ANXA6: variants seen among roughly 807,000 people sequenced by gnomAD.
ANXA6 encodes annexin A6.
ANXA6 carries 71 observed loss-of-function variants against 95.4 expected under a neutral mutation model. The observed-to-expected ratio is 0.74, with a 90% CI of 0.61 to 0.91. ANXA6 has a LOEUF of 0.91. ANXA6 is among the 40% of genes least tolerant of loss of function. ANXA6 has a pLI of 0.00. For synonymous variants in ANXA6, 289 were observed against 315.9 expected (o/e 0.91, Z 0.90); for missense variants, 830 against 876.4 (o/e 0.95, Z 0.67).
At chr5:151,149,213 CA>C in intron 1 of ANXA6, among the ~76,000 whole-genome samples, 2 of 144,068 alleles carry the variant, frequency 1.4e-5, no homozygotes, top group African/African-American at 5.2e-5. Flanking sequence ...GACAGGAACA[CA>C]CAGGAAAACA....
At chr5:151,102,190 A>T (rs1181030476) in intron 25 of ANXA6, among the ~76,000 whole-genome samples, 2 of 152,166 alleles carry the variant, frequency 1.3e-5, no homozygotes, top group Non-Finnish European at 2.9e-5. Context: ...GTTATGAGAC[A>T]TGGTTTTCGG....
chr5:151,141,854 C>G (rs1224787148), intron 2 of ANXA6, among the ~76,000 whole-genome samples: 1 of 152,198 alleles, frequency 6.6e-6, no homozygotes, highest in Non-Finnish European at 1.5e-5. Context: ...GCTCAGTGAG[C>G]GCAGGATGGG....
At chr5:151,118,819 G>C (rs1765081372) in intron 18 of ANXA6, among the ~76,000 whole-genome samples, 1 of 151,958 alleles carries the variant, frequency 6.6e-6, no homozygotes, top group African/African-American at 2.4e-5. Flanking sequence ...CCGCCTGCCT[G>C]AGACTCCCAA....
chr5:151,101,472 C>T lies in ANXA6; in HGVS notation c.1998G>A (p.Leu666=). 1.3e-6 allele frequency: 2 copies of T among 1,561,322 alleles called. No individual in the cohort carries two copies. The highest frequency in any genetic ancestry group is 1.7e-6 in the Non-Finnish European group (2 of 1,152,640). Residue 666 remains leucine (L), a synonymous_variant, in exon 26 of 26, where the codon CTG becomes CTA. Transcript: ENST00000354546. ...DTSGDFLKAL[L]ALCGGED ...CCTAGTCCTCACCACCACAGAGAGC[C>T]AGCAAGGCCTTCAGGAAGTCTCCGG...
At chr5:151,139,317 C>G in intron 4 of ANXA6, 36 bp downstream of exon 4, 1 of 1,452,896 alleles carries the variant, frequency 6.9e-7, no homozygotes, top group Non-Finnish European at 9.5e-7. Context: ...CATTCTTCCA[C>G]CCGCACCCCA....
At position 151,103,665 on chromosome 5, in the gene ANXA6, T is replaced by G; in HGVS notation, c.1867A>C (p.Thr623Pro). Residue 623 changes from threonine (T) to proline (P), a missense_variant, in exon 25 of 26, where the codon ACC becomes CCC. Transcript: ENST00000354546. ...TCACTGCGGGATACCATGATCCTGG[T>G]CAGAGTCTTCTCATCTGTGCCAGCA... ...KGAGTDEKTLTRIMVSRSEID... is the reference protein window; with the variant it reads ...KGAGTDEKTLPRIMVSRSEID... The G allele has an allele frequency of 1.2e-6, 2 of 1,610,972 alleles. No homozygotes were observed. Among genetic ancestry groups the G allele is most frequent in the Non-Finnish European group, 1.7e-6 (2 of 1,178,638 alleles).
At position 151,128,123 on chromosome 5, in the gene ANXA6, G is replaced by T. The variant is rs1581998749; in HGVS notation, c.977+58C>A. The T allele has an allele frequency of 4.8e-6, 7 of 1,471,514 alleles. No individual in the cohort carries two copies. In the African/African-American group the frequency reaches 8.3e-5, roughly 18 times the overall value. The allele number at this position is 1,471,514 out of a possible 1,614,324, so 91.2% of individuals were successfully genotyped here. Reference sequence around the variant, plus strand: ...ACCCATCAGGATGCGAGCCAGGAGAGTCCCCGCCTGGCACCCCAAGGCCAT... The same window carrying T: ...ACCCATCAGGATGCGAGCCAGGAGATTCCCCGCCTGGCACCCCAAGGCCAT... On this transcript the variant is annotated intron_variant, in intron 13 of 25. Coordinates refer to ENST00000354546, the MANE Select transcript of ANXA6 (RefSeq NM_001155.5).
intron 20 of ANXA6, among the ~76,000 whole-genome samples, chr5:151,111,948 C>A (rs1249545631): frequency 6.6e-6 from 1 of 151,902 alleles, no homozygotes; most frequent in Non-Finnish European, 1.5e-5. Context: ...GCCACCAGCC[C>A]AGTTAATTTT....
chr5:151,148,715 G>A (rs899425726), intron 1 of ANXA6, among the ~76,000 whole-genome samples: 3 of 152,222 alleles, frequency 2.0e-5, no homozygotes, highest in Non-Finnish European at 2.9e-5. Flanking sequence ...GACAAGGGGT[G>A]TAGTCCCAGG....
At chr5:151,108,640 G>T in intron 22 of ANXA6, 90 bp from the exon 23 acceptor site, 1 of 1,109,832 alleles carries the variant, frequency 9.0e-7, no homozygotes, top group South Asian at 1.3e-5. Context: ...GCCTCCCACA[G>T]GCTGTGCCTG....
chr5:151,116,314 G>T (rs879077438), intron 20 of ANXA6, among the ~76,000 whole-genome samples: 3 of 152,206 alleles, frequency 2.0e-5, no homozygotes, highest in African/African-American at 7.2e-5. Flanking sequence ...CAGCTTTTGG[G>T]GGCGGGAAAA....
chr5:151,126,325 GCCAA>G, intron 14 of ANXA6, 73 bp downstream of exon 14: 1 of 1,324,060 alleles, frequency 7.6e-7, no homozygotes, highest in South Asian at 1.3e-5. Flanking sequence ...GCAGCTGGGT[GCCAA>G]CCAGAGCAGC....
chr5:151,151,624 G>A (rs1193616761), intron 1 of ANXA6: 3 of 152,198 alleles, frequency 2.0e-5, no homozygotes, highest in African/African-American at 7.2e-5. Context: ...TCTCTAAAGT[G>A]GGACAATACA....
At chr5:151,128,946 CAAAAAA>C (rs372400204) in intron 12 of ANXA6, among the ~76,000 whole-genome samples, 2 of 127,790 alleles carry the variant, frequency 1.6e-5, no homozygotes, top group Non-Finnish European at 3.3e-5. Flanking sequence ...TTCAGTCATC[CAAAAAA>C]AAAAAAAAAA....
intron 2 of ANXA6, among the ~76,000 whole-genome samples, chr5:151,145,434 G>C (rs1474513496): frequency 6.6e-6 from 1 of 152,190 alleles, no homozygotes; most frequent in Non-Finnish European, 1.5e-5. Flanking sequence ...CTGTGAAATG[G>C]AGGCCACAGC....
At chr5:151,140,594 A>ATATATATATATATATATT (rs201589041) in intron 2 of ANXA6, 65 of 141,652 alleles carry the variant, frequency 4.6e-4, no homozygotes, top group African/African-American at 1.2e-3. Context: ...ATATATATAT[A>ATATATATATATATATATT]TATATATATA....
In ANXA6 at chr5:151,133,076, G is replaced by A. The variant is rs917744352; in HGVS notation, c.640+18C>T. The A allele has an allele frequency of 3.2e-6, 5 of 1,559,510 alleles. No individual in the cohort carries two copies. The highest frequency in any genetic ancestry group is 4.4e-6 in the Non-Finnish European group (5 of 1,144,622). ...CATCAACCCAAGGGAGCAGCTTCAG[G>A]TCTTCTCTGGAGCTTACCCAACCGA... is the stretch of plus-strand genomic sequence containing the variant. On this transcript the variant is annotated intron_variant, in intron 9 of 25. Transcript: ENST00000354546.
intron 1 of ANXA6, chr5:151,150,852 G>C (rs1204886077): frequency 1.3e-5 from 2 of 152,436 alleles, no homozygotes; most frequent in East Asian, 3.8e-4. Flanking sequence ...AGAGAACCAG[G>C]GACTGAATGA....
At chr5:151,131,442 C>T (rs1765510095) in intron 10 of ANXA6, among the ~76,000 whole-genome samples, 153 bp from the exon 11 acceptor site, 2 of 152,118 alleles carry the variant, frequency 1.3e-5, no homozygotes, top group Admixed American at 1.3e-4. Flanking sequence ...CCAGATCACC[C>T]CAGACCAACC....
Sources: allele counts gnomAD v4.1 joint callset (sites outside exome capture counted in the v4.1 genomes callset), GRCh38; gene constraint gnomAD v4.1.1; transcripts MANE v1.5; gene names NCBI Gene and HGNC (gene_info 2026-07-23, HGNC 2026-07-21).